PDHX: variants seen among roughly 807,000 people sequenced by gnomAD.
The protein encoded by PDHX is pyruvate dehydrogenase protein X component, mitochondrial.
PDHX carries 33 observed loss-of-function variants against 55.3 expected under a neutral mutation model. The ratio of observed to expected loss-of-function variants is 0.60; its 90% CI spans 0.45 to 0.80. The LOEUF is 0.80. Ranked by LOEUF, PDHX falls within the 30% of genes least tolerant of loss-of-function variation. The probability of loss-of-function intolerance (pLI) is 0.00; values close to 1 mark genes in which losing one functional copy is unlikely to be tolerated. For missense variants in PDHX, 622 were observed against 619.9 expected (o/e 1.00, Z -0.04); for synonymous variants, 226 against 219.4 (o/e 1.03, Z -0.27).
intron 9 of PDHX, among the ~76,000 whole-genome samples, chr11:34,990,766 A>T (rs1303633213): frequency 6.6e-6 from 1 of 152,134 alleles, no homozygotes; most frequent in Non-Finnish European, 1.5e-5. Flanking sequence ...AATAGCATAC[A>T]CCTGTAATTG....
intron 4 of PDHX, among the ~76,000 whole-genome samples, chr11:34,958,246 T>C (rs1854947328): frequency 6.6e-6 from 1 of 152,176 alleles, no homozygotes; most frequent in Admixed American, 6.5e-5. Context: ...TCTTAAACAT[T>C]TTTTCCTTTA....
intron 4 of PDHX, 85 bp downstream of exon 4, chr11:34,957,668 A>G: frequency 9.7e-7 from 1 of 1,026,918 alleles, no homozygotes; most frequent in East Asian, 2.5e-5. Context: ...TCATATTCGC[A>G]CATCGTTGTA....
At chr11:34,934,113 G>A (rs990628612) in intron 2 of PDHX, among the ~76,000 whole-genome samples, 1 of 152,132 alleles carries the variant, frequency 6.6e-6, no homozygotes, top group Non-Finnish European at 1.5e-5. Context: ...TTAAAAGATA[G>A]AAGAATCATA....
In PDHX at chr11:34,957,574, G is replaced by C; in HGVS notation, c.533G>C (p.Gly178Ala). Reference sequence around the variant, plus strand: ...CCTGTCAAGAAGGAACACATACCCGGGACACTACGGTGAGTATATATTTAT... The same window carrying C: ...CCTGTCAAGAAGGAACACATACCCGCGACACTACGGTGAGTATATATTTAT... ...SIPVKKEHIP[G>A]TLRFRLSPAA... The change falls in exon 4 of 11, where the codon GGG (glycine) becomes GCG (alanine). Residue 178 changes from glycine (G) to alanine (A), a missense_variant. Gly to Ala is a moderately conservative substitution (Grantham distance 60). Transcript: ENST00000227868. 6.2e-7 allele frequency: 1 copy of C among 1,611,994 alleles called. No individual in the cohort carries two copies. The highest frequency in any genetic ancestry group is 8.5e-7 in the Non-Finnish European group (1 of 1,178,362).
chr11:34,922,071 G>A (rs1400762784), intron 1 of PDHX, among the ~76,000 whole-genome samples: 2 of 152,180 alleles, frequency 1.3e-5, no homozygotes, highest in African/African-American at 2.4e-5. Context: ...CTTCTTGGAT[G>A]TCTTTTTTGC....
chr11:34,938,466 A>G (rs1451133808), intron 2 of PDHX, among the ~76,000 whole-genome samples: 9 of 152,194 alleles, frequency 5.9e-5, no homozygotes, highest in Non-Finnish European at 1.3e-4. Flanking sequence ...AGAAAGTTTT[A>G]CCTTTATAAA....
chr11:34,957,314 C>A (rs1302381141), intron 3 of PDHX, 70 bp from the exon 4 acceptor site: 3 of 1,095,688 alleles, frequency 2.7e-6, no homozygotes, highest in African/African-American at 1.6e-5. Flanking sequence ...AATTACCCAA[C>A]AAAAGAACAA....
chr11:34,918,171 C>T (rs1480521278), intron 1 of PDHX, among the ~76,000 whole-genome samples: 1 of 151,912 alleles, frequency 6.6e-6, no homozygotes, highest in Non-Finnish European at 1.5e-5. Flanking sequence ...CACGTAGTGG[C>T]TCACGCCTGT....
chr11:34,958,532 A>T (rs1031956970), intron 4 of PDHX, among the ~76,000 whole-genome samples: 1 of 152,084 alleles, frequency 6.6e-6, no homozygotes, highest in Non-Finnish European at 1.5e-5. Flanking sequence ...CGAACTCCTG[A>T]CTTCATGATC....
In PDHX at chr11:34,970,181, A is replaced by G. The variant is rs1470917760; in HGVS notation, c.859A>G (p.Ile287Val). 1.2e-6 allele frequency: 2 copies of G among 1,613,102 alleles called. No individual in the cohort carries two copies. Among genetic ancestry groups the G allele is most frequent in the Non-Finnish European group, 1.7e-6 (2 of 1,179,076 alleles). Reference sequence around the variant, plus strand: ...CCCCGCCAGCAATATTCGAAGAGTTATTGCCAAGAGATTAACTGAATCTAA... The same window carrying G: ...CCCCGCCAGCAATATTCGAAGAGTTGTTGCCAAGAGATTAACTGAATCTAA... ...EIPASNIRRV[I>V]AKRLTESKST... Residue 287 changes from isoleucine to valine, a missense_variant, in exon 7 of 11, where the codon ATT becomes GTT. Transcript: ENST00000227868.
intron 10 of PDHX, among the ~76,000 whole-genome samples, chr11:34,993,266 C>T (rs144116771): frequency 4.0e-5 from 6 of 151,874 alleles, no homozygotes; most frequent in African/African-American, 7.2e-5. Context: ...GGGACTCTCT[C>T]GGTGATTTTT....
intron 7 of PDHX, among the ~76,000 whole-genome samples, chr11:34,975,771 CAAGAA>C (rs1489142443): frequency 6.6e-6 from 1 of 152,130 alleles, no homozygotes; most frequent in Non-Finnish European, 1.5e-5. Context: ...CTAATGAGCT[CAAGAA>C]AAGTTACGAT....
chr11:34,943,657 C>A (rs927581266), intron 2 of PDHX, among the ~76,000 whole-genome samples: 1 of 152,168 alleles, frequency 6.6e-6, no homozygotes. Context: ...TCTCTTCCTG[C>A]ATATCTTACC....
At chr11:34,935,415 C>G (rs1257524908) in intron 2 of PDHX, among the ~76,000 whole-genome samples, 1 of 152,128 alleles carries the variant, frequency 6.6e-6, no homozygotes, top group Non-Finnish European at 1.5e-5. Flanking sequence ...TGTTACAGTG[C>G]TTATACAGAA....
At chr11:34,916,047 G>A, upstream of PDHX, 1 of 754,134 alleles carries the variant, frequency 1.3e-6, no homozygotes, top group South Asian at 1.9e-5. Flanking sequence ...ATCTCCTGGG[G>A]CCTCGCAGCC....
chr11:34,960,382 G>A (rs1554988008), intron 4 of PDHX, 38 bp from the exon 5 acceptor site: 1 of 1,269,970 alleles, frequency 7.9e-7, no homozygotes, highest in Non-Finnish European at 1.2e-6. Context: ...AAATGTAAGT[G>A]TTAATTGGTT....
chr11:34,961,349 A>G lies in PDHX; in HGVS notation c.641+831A>G, dbSNP rs181697664. Among the ~76,000 whole-genome samples the G allele has an allele frequency of 1.1e-3, 164 of 152,318 alleles. 1 individual carries two copies. The highest frequency in any genetic ancestry group is 3.8e-3 in the African/African-American group (158 of 41,582). On this transcript the variant is annotated intron_variant, in intron 5 of 10. Coordinates refer to ENST00000227868, the MANE Select transcript of PDHX (RefSeq NM_003477.3). Reference sequence around the variant, plus strand: ...CTGTTCTGTTGAAACTTAGTCTAGTAGGGTAGACAAAGATTAATCAAATAG... The same window carrying G: ...CTGTTCTGTTGAAACTTAGTCTAGTGGGGTAGACAAAGATTAATCAAATAG...
Position 34,995,955 on chromosome 11 carries a change from G to T in PDHX, c.*783G>T, listed in dbSNP as rs751318367. On this transcript the variant is annotated 3_prime_UTR_variant, in exon 11 of 11. Transcript: ENST00000227868. The stretch of plus-strand genomic sequence containing the variant: ...GAGTCGGAATATATTTAAATAAATT[G>T]TGTTATCTCTTGCCAAACATTTTGT... 10 of 152,238 alleles carry T rather than the reference G, an allele frequency of 6.6e-5. No homozygotes were observed. Among genetic ancestry groups the T allele is most frequent in the Non-Finnish European group, 1.3e-4 (9 of 67,980 alleles). The allele number at this position is 152,238 out of a possible 1,614,324, so 9.4% of individuals were successfully genotyped here.
chr11:34,980,138 C>G (rs1855475773), intron 8 of PDHX, among the ~76,000 whole-genome samples: 1 of 93,982 alleles, frequency 1.1e-5, no homozygotes, highest in South Asian at 3.1e-4. Context: ...CCCAAACTTA[C>G]TAGCCTAGAG....
Sources: gnomAD v4.1 joint callset for allele counts (sites outside exome capture counted in the v4.1 genomes callset) on GRCh38, gnomAD v4.1.1 for gene constraint, MANE v1.5 for transcripts, NCBI Gene and HGNC (gene_info 2026-07-23, HGNC 2026-07-21) for gene names.